Variants in ARHGAP42 observed in about 807,000 individuals in gnomAD.
The protein encoded by ARHGAP42 is Rho GTPase activating protein 42, also known as rho GTPase-activating protein 42.
Under a neutral mutation model 125.0 loss-of-function variants are expected in ARHGAP42, and 63 were observed. The ratio of observed to expected loss-of-function variants is 0.50; its 90% CI spans 0.41 to 0.62. The LOEUF (loss-of-function observed/expected upper bound fraction) is 0.62, where lower values mean the gene tolerates loss of function less well. ARHGAP42 is among the 20% of genes least tolerant of loss of function. ARHGAP42 has a pLI of 0.00. For synonymous variants in ARHGAP42, 339 were observed against 351.0 expected (o/e 0.97, Z 0.38); for missense variants, 766 against 1,024.2 (o/e 0.75, Z 3.44).
chr11:100,794,075 CAAAAAAAAAAAAAAAAA>C (rs869272420), intron 2 of ARHGAP42, among the ~76,000 whole-genome samples: 455 of 44,832 alleles, frequency 0.01, 6 homozygotes, highest in Non-Finnish European at 0.011. Context: ...GACCCTGTCT[CAAAAAAAAAAAAAAAAA>C]AAAAAAAAAA....
In ARHGAP42 at chr11:100,961,687, C is replaced by T. The variant is rs1399153908; in HGVS notation, c.1304C>T (p.Pro435Leu). ...CACCTTGTTTTATTCTTTCCAGCTC[C>T]TAAATCCCCTCCTGATATTGATATT... Reference protein sequence around the residue: ...VQKLMNTTFSPKSPPDIDIDI... With the variant: ...VQKLMNTTFSLKSPPDIDIDI... Residue 435 changes from proline to leucine, a missense_variant, in exon 15 of 24, where the codon CCT becomes CTT. By Grantham distance (98) the Pro-to-Leu change is moderately conservative. Around this residue, in one of 3 missense-constraint regions of ARHGAP42, gnomAD observed 455 missense variants for 636.5 expected, o/e 0.71. Coordinates refer to ENST00000298815, the MANE Select transcript of ARHGAP42 (RefSeq NM_152432.4). The T allele has an allele frequency of 2.6e-6, 4 of 1,551,252 alleles. No individual in the cohort carries two copies. The South Asian group carries it at 4.8e-5, about 18-fold the overall frequency.
At chr11:100,982,828 G>T (rs1405178337) in intron 22 of ARHGAP42, among the ~76,000 whole-genome samples, 1 of 152,088 alleles carries the variant, frequency 6.6e-6, no homozygotes, top group African/African-American at 2.4e-5. Flanking sequence ...GCTCAACAAA[G>T]TTACCTTGCC....
chr11:100,711,414 G>T (rs542211650), intron 1 of ARHGAP42, among the ~76,000 whole-genome samples: 1 of 152,276 alleles, frequency 6.6e-6, no homozygotes, highest in South Asian at 2.1e-4. Context: ...GAGTGCAGTG[G>T]TGAGATCTTG....
At chr11:100,817,313 C>T (rs1254944451) in intron 3 of ARHGAP42, among the ~76,000 whole-genome samples, 1 of 152,164 alleles carries the variant, frequency 6.6e-6, no homozygotes, top group Admixed American at 6.5e-5. Flanking sequence ...ATTTGAGAAC[C>T]ACTGGAGTGG....
intron 4 of ARHGAP42, among the ~76,000 whole-genome samples, chr11:100,864,893 C>T (rs565182000): frequency 2.0e-5 from 3 of 152,278 alleles, no homozygotes; most frequent in Non-Finnish European, 4.4e-5. Flanking sequence ...GTCCCCAGTA[C>T]ACAGTAGGCA....
At chr11:100,807,086 G>T (rs1864014575) in intron 3 of ARHGAP42, among the ~76,000 whole-genome samples, 1 of 151,576 alleles carries the variant, frequency 6.6e-6, no homozygotes, top group African/African-American at 2.4e-5. Context: ...GACCTCAGGT[G>T]ATTGACCTGC....
chr11:100,966,837 T>G (rs960811987), intron 17 of ARHGAP42, among the ~76,000 whole-genome samples: 4 of 152,178 alleles, frequency 2.6e-5, no homozygotes, highest in Non-Finnish European at 5.9e-5. Flanking sequence ...AATCCAGTTT[T>G]AAACTTACTT....
At chr11:100,775,301 G>A (rs1863093368) in intron 2 of ARHGAP42, among the ~76,000 whole-genome samples, 1 of 152,164 alleles carries the variant, frequency 6.6e-6, no homozygotes, top group Admixed American at 6.5e-5. Context: ...AGAAATTGGT[G>A]ATGGAGGGGA....
At chr11:100,766,803 C>G (rs1039642021) in intron 1 of ARHGAP42, among the ~76,000 whole-genome samples, 1 of 152,102 alleles carries the variant, frequency 6.6e-6, no homozygotes, top group Non-Finnish European at 1.5e-5. Flanking sequence ...ATCAAGAACC[C>G]GAACACACTT....
At chr11:100,706,653 A>G (rs1378513197) in intron 1 of ARHGAP42, among the ~76,000 whole-genome samples, 1 of 152,210 alleles carries the variant, frequency 6.6e-6, no homozygotes, top group Non-Finnish European at 1.5e-5. Flanking sequence ...CCTGTTTGTA[A>G]CAAAGCTTTG....
intron 22 of ARHGAP42, among the ~76,000 whole-genome samples, chr11:100,980,559 C>CTTCTTTTTTTTTTTGTT (rs1555037006): frequency 1.9e-5 from 1 of 51,962 alleles, no homozygotes; most frequent in Non-Finnish European, 3.8e-5. Context: ...TTTTCTTCTT[C>CTTCTTTTTTTTTTTGTT]TTTTTTTTTT....
intron 1 of ARHGAP42, among the ~76,000 whole-genome samples, chr11:100,750,242 A>G (rs1040764797): frequency 5.6e-4 from 86 of 152,260 alleles, no homozygotes; most frequent in African/African-American, 2.0e-3. Flanking sequence ...GCCCTTACAG[A>G]TGGAGCAATG....
chr11:100,806,636 A>G (rs1326546848), intron 3 of ARHGAP42, among the ~76,000 whole-genome samples: 1 of 152,108 alleles, frequency 6.6e-6, no homozygotes, highest in East Asian at 1.9e-4. Context: ...TCCTACATGC[A>G]TAAAGTTCTG....
At chr11:100,833,410 A>T (rs1393700989) in intron 3 of ARHGAP42, among the ~76,000 whole-genome samples, 1 of 152,192 alleles carries the variant, frequency 6.6e-6, no homozygotes, top group Non-Finnish European at 1.5e-5. Context: ...AAATGACACC[A>T]TGTATTTACT....
intron 22 of ARHGAP42, among the ~76,000 whole-genome samples, chr11:100,983,427 C>T (rs1425138005): frequency 6.6e-6 from 1 of 152,092 alleles, no homozygotes; most frequent in Non-Finnish European, 1.5e-5. Flanking sequence ...ATATCTTAGG[C>T]TTCTGCCTGC....
rs1202261482 is a variant in ARHGAP42, at chr11:100,687,596, AGCGCCCGCC to A, written c.-79_-71del. 5.0e-5 allele frequency: 56 copies of A among 1,123,000 alleles called. No homozygotes were observed. Among genetic ancestry groups the A allele is most frequent in the Non-Finnish European group, 6.0e-5 (54 of 903,660 alleles). 69.6% of individuals were successfully genotyped at this position (1,123,000 alleles called of 1,614,324 possible). ...GCCTTCCCCGCGATCGCGCGACCCC[AGCGCCCGCC>A]GCGGCCGCCGGCTGCCCCCGCCCTG... is the stretch of plus-strand genomic sequence containing the variant. On this transcript the variant is annotated 5_prime_UTR_variant, in exon 1 of 24. Transcript: ENST00000298815.
chr11:100,969,026 A>T (rs1858170835), intron 17 of ARHGAP42, among the ~76,000 whole-genome samples: 2 of 152,062 alleles, frequency 1.3e-5, no homozygotes, highest in Admixed American at 6.6e-5. Context: ...ATCTTTTAGT[A>T]TTTATTGTGA....
At chr11:100,727,152 GTTTGA>G (rs1861876686) in intron 1 of ARHGAP42, among the ~76,000 whole-genome samples, 1 of 152,132 alleles carries the variant, frequency 6.6e-6, no homozygotes, top group Non-Finnish European at 1.5e-5. Flanking sequence ...TTTTCTAATA[GTTTGA>G]TTTGAAGTGA....
chr11:100,729,544 C>T (rs913496851), intron 1 of ARHGAP42, among the ~76,000 whole-genome samples: 1 of 152,082 alleles, frequency 6.6e-6, no homozygotes, highest in Non-Finnish European at 1.5e-5. Flanking sequence ...TTCTGCAATG[C>T]TTTGTCATAA....
Sources: allele counts gnomAD v4.1 joint callset (sites outside exome capture counted in the v4.1 genomes callset), GRCh38; gene constraint gnomAD v4.1.1; regional missense constraint gnomAD v4.1.1; transcripts MANE v1.5; gene names NCBI Gene and HGNC (gene_info 2026-07-23, HGNC 2026-07-21).